Variants in KLHL29 observed in about 807,000 individuals in gnomAD.
The protein encoded by KLHL29 is kelch like family member 29, also known as kelch-like protein 29.
Under a neutral mutation model 80.4 loss-of-function variants are expected in KLHL29, and 21 were observed. That is an observed-to-expected ratio of 0.26 (90% CI 0.19 to 0.38). The LOEUF (loss-of-function observed/expected upper bound fraction) is 0.38. KLHL29 is among the 10% of genes least tolerant of loss of function. The pLI, the probability that KLHL29 is intolerant of heterozygous loss-of-function variation, is 1.00. For synonymous variants in KLHL29, 511 were observed against 526.8 expected, an observed-to-expected ratio of 0.97 and a Z score of 0.41; for missense variants, 867 against 1,223.9, an observed-to-expected ratio of 0.71 and a Z score of 4.35.
At chr2:23,552,761 C>CTTTTTTTTTTCTT (rs1667161245) in intron 2 of KLHL29, among the ~76,000 whole-genome samples, 1 of 95,576 alleles carries the variant, frequency 1.0e-5, no homozygotes, top group Non-Finnish European at 1.9e-5. Flanking sequence ...GGTTTCTTTT[C>CTTTTTTTTTTCTT]TTTTTTTTTT....
At chr2:23,488,800 C>G (rs552968283) in intron 2 of KLHL29, among the ~76,000 whole-genome samples, 13 of 152,304 alleles carry the variant, frequency 8.5e-5, no homozygotes, top group African/African-American at 3.1e-4. Flanking sequence ...TTGGCAGTGC[C>G]TCTGACCTTG....
intron 4 of KLHL29, among the ~76,000 whole-genome samples, chr2:23,640,897 G>A (rs866616046): frequency 1.3e-5 from 2 of 152,150 alleles, no homozygotes; most frequent in Non-Finnish European, 2.9e-5. Context: ...ACAGTGGGCT[G>A]GTAGTGACCC....
At chr2:23,417,770 C>G (rs1348696451) in intron 1 of KLHL29, among the ~76,000 whole-genome samples, 1 of 152,132 alleles carries the variant, frequency 6.6e-6, no homozygotes, top group East Asian at 1.9e-4. Flanking sequence ...GAAGTGCTTG[C>G]AGTTCTCCCA....
chr2:23,643,905 C>A (rs1434560754), intron 5 of KLHL29: 1 of 152,256 alleles, frequency 6.6e-6, no homozygotes, highest in Non-Finnish European at 1.5e-5. Flanking sequence ...CACAACTTCC[C>A]AGCCTTCCCA....
rs1209923639 is a variant in KLHL29, at chr2:23,647,436, T to A, written c.940+4586T>A. On this transcript the variant is annotated intron_variant, in intron 5 of 13. Coordinates refer to ENST00000486442, the MANE Select transcript of KLHL29 (RefSeq NM_052920.2). The surrounding 1 kb of genome is among the most constrained non-coding windows in gnomAD (Gnocchi z 4.9). ...ATGCCAACATGAATTCATTCAGGGT[T>A]CAGACTCAAGGCCTGCGTTGTCTGT... is the stretch of plus-strand genomic sequence containing the variant. Among the ~76,000 whole-genome samples, 3 of 152,196 alleles carry A rather than the reference T, an allele frequency of 2.0e-5. No individual in the cohort carries two copies. The highest frequency in any genetic ancestry group is 2.0e-4 in the Admixed American group (3 of 15,284).
chr2:23,516,787 C>A (rs1036682104), intron 2 of KLHL29, among the ~76,000 whole-genome samples: 8 of 152,220 alleles, frequency 5.3e-5, no homozygotes, highest in Admixed American at 5.2e-4. Flanking sequence ...ACTGGGGAGG[C>A]CACAGAGGAA....
At chr2:23,692,102 T>C (rs943339339) in intron 7 of KLHL29, among the ~76,000 whole-genome samples, 4 of 152,212 alleles carry the variant, frequency 2.6e-5, no homozygotes, top group Non-Finnish European at 4.4e-5. Flanking sequence ...CATTTCTCTG[T>C]AGGTGGGAGA....
At chr2:23,581,795 T>C (rs1572415695) in intron 3 of KLHL29, among the ~76,000 whole-genome samples, 1 of 120,896 alleles carries the variant, frequency 8.3e-6, no homozygotes. Context: ...ACCATTGCAC[T>C]CCAGCCTGGG....
chr2:23,529,678 C>T lies in KLHL29; in HGVS notation c.-45-32474C>T, dbSNP rs569446457. The stretch of plus-strand genomic sequence containing the variant: ...TGAGGGCAGGTGTGAGGGCTGTTTT[C>T]AAGGGCTGGTTTGGGGAGTAGAGTA... On this transcript the variant is annotated intron_variant, in intron 2 of 13. Transcript: ENST00000486442. Among the ~76,000 whole-genome samples the T allele has an allele frequency of 1.1e-4, 17 of 151,930 alleles. No homozygotes were observed. In the East Asian group the frequency reaches 1.7e-3, roughly 16 times the overall value.
intron 1 of KLHL29, among the ~76,000 whole-genome samples, chr2:23,393,749 A>G (rs562926606): frequency 6.6e-6 from 1 of 152,152 alleles, no homozygotes; most frequent in South Asian, 2.1e-4. Context: ...CCAAGGAGGG[A>G]CTTCTTCAGT....
chr2:23,600,299 A>T (rs1005009928), intron 3 of KLHL29, among the ~76,000 whole-genome samples: 1 of 152,228 alleles, frequency 6.6e-6, no homozygotes, highest in Non-Finnish European at 1.5e-5. Flanking sequence ...TCTGGACAAC[A>T]TGGTATCCTT....
intron 3 of KLHL29, among the ~76,000 whole-genome samples, chr2:23,629,598 C>T (rs1265358362): frequency 2.6e-5 from 4 of 152,074 alleles, no homozygotes; most frequent in Admixed American, 1.3e-4. Flanking sequence ...GCTGGGGGCC[C>T]GGACAGGGCA....
At chr2:23,643,959 G>A (rs1387207375) in intron 5 of KLHL29, 18 of 150,730 alleles carry the variant, frequency 1.2e-4, no homozygotes, top group Admixed American at 1.2e-3. Context: ...TCTGCCTTTC[G>A]GCAGAGCAAG....
chr2:23,423,446 A>T (rs1355942612), intron 1 of KLHL29, among the ~76,000 whole-genome samples: 1 of 152,190 alleles, frequency 6.6e-6, no homozygotes. Flanking sequence ...TTTGCATTCA[A>T]ATCCTCTCTG....
chr2:23,555,917 C>T (rs1443947365), intron 2 of KLHL29, among the ~76,000 whole-genome samples: 1 of 152,224 alleles, frequency 6.6e-6, no homozygotes, highest in Non-Finnish European at 1.5e-5. Context: ...TTTGGTGATG[C>T]TGGGGGACCT....
In KLHL29 at chr2:23,540,734, T is replaced by C. The variant is rs527459011; in HGVS notation, c.-45-21418T>C. ...CAGCCAGATTCAGTCACTCATGTAC[T>C]GTTGGACCTCGTCCATCCCTCCTCC... On this transcript the variant is annotated intron_variant, in intron 2 of 13. Coordinates refer to ENST00000486442, the MANE Select transcript of KLHL29 (RefSeq NM_052920.2). 3.3e-4 allele frequency among the ~76,000 whole-genome samples: 50 copies of C among 152,350 alleles called. No individual in the cohort carries two copies. In the South Asian group the frequency reaches 0.01, roughly 32 times the overall value.
intron 5 of KLHL29, among the ~76,000 whole-genome samples, chr2:23,662,432 A>C (rs1030348850): frequency 1.3e-5 from 2 of 152,200 alleles, no homozygotes; most frequent in African/African-American, 4.8e-5. Context: ...TTGTTGATCA[A>C]TAGATGGTGG....
intron 2 of KLHL29, among the ~76,000 whole-genome samples, chr2:23,517,712 C>T (rs956421034): frequency 1.3e-5 from 2 of 152,172 alleles, no homozygotes; most frequent in African/African-American, 2.4e-5. Context: ...CGCCGGAGTC[C>T]ACTCCCGCTG....
intron 3 of KLHL29, among the ~76,000 whole-genome samples, chr2:23,571,326 G>A (rs1365150408): frequency 2.6e-5 from 4 of 152,240 alleles, no homozygotes; most frequent in Non-Finnish European, 5.9e-5. Context: ...AGGCAGAGCT[G>A]GAGAATGAGC....
Sources: allele counts gnomAD v4.1 joint callset (sites outside exome capture counted in the v4.1 genomes callset), GRCh38; gene constraint gnomAD v4.1.1; non-coding constraint Gnocchi (gnomAD v3.1); transcripts MANE v1.5; gene names NCBI Gene and HGNC (gene_info 2026-07-23, HGNC 2026-07-21).